Variants in ZFC3H1 observed in about 807,000 individuals in gnomAD.
ZFC3H1 encodes zinc finger C3H1-type containing.
A neutral mutation model predicts 243.7 loss-of-function variants in ZFC3H1; 71 were observed. That is an observed-to-expected ratio of 0.29 (90% CI 0.24 to 0.36). The LOEUF (loss-of-function observed/expected upper bound fraction) is 0.36, where lower values mean the gene tolerates loss of function less well. ZFC3H1 is among the 10% of genes least tolerant of loss of function. The pLI is 1.00. For missense variants in ZFC3H1, 1,966 were observed against 2,317.1 expected (o/e 0.85, Z 3.11); for synonymous variants, 838 against 813.0 (o/e 1.03, Z -0.52).
intron 16 of ZFC3H1, 134 bp downstream of exon 16, chr12:71,631,644 C>G (rs1880325746): frequency 6.8e-6 from 5 of 734,738 alleles, no homozygotes. Context: ...TTTTTATGTT[C>G]CTTAAAAGGG....
Position 71,610,217 on chromosome 12 carries a change from C to T in ZFC3H1, c.*211G>A. The stretch of plus-strand genomic sequence containing the variant: ...ATGAGAATCTGGCAGGGCCTAGAAG[C>T]AGGCCAAACAGGAAGTTCATTTATC... On this transcript the variant is annotated 3_prime_UTR_variant, in exon 35 of 35. Transcript: ENST00000378743. 1 of 493,202 alleles carries T rather than the reference C, an allele frequency of 2.0e-6. No individual in the cohort carries two copies. The highest frequency in any genetic ancestry group is 3.5e-5 in the South Asian group (1 of 28,296). The allele number at this position is 493,202 out of a possible 1,614,324, so 30.6% of individuals were successfully genotyped here. A position where few individuals can be genotyped will look rare whatever the true frequency, so the allele number is the denominator to read the frequency against.
At chr12:71,631,684 A>G in intron 16 of ZFC3H1, 94 bp downstream of exon 16, 1 of 1,124,972 alleles carries the variant, frequency 8.9e-7, no homozygotes, top group South Asian at 1.6e-5. Context: ...CAATGATTCA[A>G]TTGCTTTTTC....
intron 19 of ZFC3H1, 137 bp from the exon 20 acceptor site, chr12:71,629,174 GA>G: frequency 1.7e-6 from 1 of 602,088 alleles, no homozygotes; most frequent in South Asian, 2.3e-5. Flanking sequence ...TTTTTTTTTT[GA>G]GATGGAAGTC....
chr12:71,612,424 T>C (rs1356804797), intron 31 of ZFC3H1, among the ~76,000 whole-genome samples: 4 of 152,112 alleles, frequency 2.6e-5, no homozygotes, highest in East Asian at 1.9e-4. Context: ...CCTATCACAA[T>C]AGAAAATCAT....
chr12:71,626,132 G>A, intron 22 of ZFC3H1, 128 bp downstream of exon 22: 1 of 933,248 alleles, frequency 1.1e-6, no homozygotes, highest in Non-Finnish European at 1.5e-6. Context: ...TGAAAGTAAG[G>A]TTATTATGTC....
Position 71,636,562 on chromosome 12 carries a change from G to A in ZFC3H1, c.2028C>T (p.Asn676=). The A allele has an allele frequency of 6.2e-7, 1 of 1,613,946 alleles. No individual in the cohort carries two copies. Among genetic ancestry groups the A allele is most frequent in the Non-Finnish European group, 8.5e-7 (1 of 1,179,876 alleles). ...TCTGTATCCTAGGCTGAGACACTGTGTTAATACTGACTATTGATAGATTGC... is the reference window on the plus strand; with the variant it reads ...TCTGTATCCTAGGCTGAGACACTGTATTAATACTGACTATTGATAGATTGC... The part of the protein sequence containing the change: ...PRSNLSIVSI[N]TVSQPRIQNP... Residue 676 remains asparagine (N), a synonymous_variant, in exon 9 of 35, where the codon AAC becomes AAT. Transcript: ENST00000378743.
At chr12:71,640,864 GT>G (rs201779649) in intron 6 of ZFC3H1, among the ~76,000 whole-genome samples, 10,431 of 148,918 alleles carry the variant, frequency 0.07, 481 homozygotes, top group South Asian at 0.094. Context: ...AATTCTCTTG[GT>G]TTTTTTTTTC....
At chr12:71,652,519 A>C (rs1378958098) in intron 2 of ZFC3H1, among the ~76,000 whole-genome samples, 1 of 152,098 alleles carries the variant, frequency 6.6e-6, no homozygotes, top group Non-Finnish European at 1.5e-5. Context: ...GTGCCTGTCT[A>C]CTCATTTGAT....
intron 4 of ZFC3H1, 140 bp downstream of exon 4, chr12:71,644,737 G>A: frequency 3.1e-6 from 3 of 977,522 alleles, no homozygotes; most frequent in Non-Finnish European, 2.9e-6. Context: ...AGAATCGCCT[G>A]AACCTGGGAG....
intron 24 of ZFC3H1, among the ~76,000 whole-genome samples, chr12:71,622,389 T>G (rs911925472): frequency 6.6e-6 from 1 of 152,168 alleles, no homozygotes; most frequent in Non-Finnish European, 1.5e-5. Context: ...ATCATGCCAA[T>G]CTATAATAAT....
At chr12:71,612,782 G>A (rs894980171) in intron 31 of ZFC3H1, among the ~76,000 whole-genome samples, 13 of 152,244 alleles carry the variant, frequency 8.5e-5, no homozygotes, top group Non-Finnish European at 1.9e-4. Context: ...TAATTCTTGC[G>A]GATGAAAGTG....
chr12:71,625,666 G>A (rs1880146424), intron 22 of ZFC3H1, among the ~76,000 whole-genome samples: 1 of 152,092 alleles, frequency 6.6e-6, no homozygotes, highest in South Asian at 2.1e-4. Flanking sequence ...CTCCAGCCTG[G>A]GTGACATAGA....
At chr12:71,618,063 G>A (rs186741710) in intron 27 of ZFC3H1, among the ~76,000 whole-genome samples, 4 of 152,022 alleles carry the variant, frequency 2.6e-5, no homozygotes, top group Non-Finnish European at 4.4e-5. Flanking sequence ...TCAGGAGTTC[G>A]AGACCATCCT....
rs905348789 is a variant in ZFC3H1 at position 71,610,301 on chromosome 12, C to G, written c.*127G>C. 6.1e-6 allele frequency: 7 copies of G among 1,149,236 alleles called. No individual in the cohort carries two copies. The highest frequency in any genetic ancestry group is 1.6e-5 in the African/African-American group (1 of 64,086). The allele number at this position is 1,149,236 out of a possible 1,614,324, so 71.2% of individuals were successfully genotyped here. A position where few individuals can be genotyped will look rare whatever the true frequency, so the allele number is the denominator to read the frequency against. Reference sequence around the variant, plus strand: ...TTTGAGGACAGGATATTGTAGGGAACTTGATATGATCAATAACGCTTGTCT... The same window carrying G: ...TTTGAGGACAGGATATTGTAGGGAAGTTGATATGATCAATAACGCTTGTCT... On this transcript the variant is annotated 3_prime_UTR_variant, in exon 35 of 35. Transcript: ENST00000378743.
At position 71,634,812 on chromosome 12, in the gene ZFC3H1, G is replaced by A. The variant is rs774893803; in HGVS notation, c.2252C>T (p.Pro751Leu). 7 of 1,571,704 alleles carry A rather than the reference G, an allele frequency of 4.5e-6. No individual in the cohort carries two copies. In the East Asian group the frequency reaches 6.8e-5, roughly 15 times the overall value. The change falls in exon 11 of 35, where the codon CCG becomes CTG. Residue 751 changes from proline (P) to leucine (L), a missense_variant. Pro to Leu is a moderately conservative substitution (Grantham distance 98). Coordinates refer to ENST00000378743, the MANE Select transcript of ZFC3H1 (RefSeq NM_144982.5). ...TTTTTCAGATTTTGGAGGTACTTTC[G>A]GTTTTGAAGCTTGCTAAAAAAAAAA... ...ARRTAEQASK[P>L]KVPPKSEKEN...
chr12:71,642,221 A>C (rs1268716827), intron 6 of ZFC3H1, among the ~76,000 whole-genome samples: 1 of 152,174 alleles, frequency 6.6e-6, no homozygotes, highest in Non-Finnish European at 1.5e-5. Flanking sequence ...TTTTAATTTA[A>C]AGGCTATCTA....
chr12:71,631,749 T>A, intron 16 of ZFC3H1, 29 bp downstream of exon 16: 2 of 1,531,800 alleles, frequency 1.3e-6, no homozygotes, highest in Non-Finnish European at 1.8e-6. Context: ...AATCCTGAAA[T>A]TCAAGCTTAT....
At chr12:71,633,927 T>A (rs1012232090) in intron 12 of ZFC3H1, among the ~76,000 whole-genome samples, 1 of 152,220 alleles carries the variant, frequency 6.6e-6, no homozygotes, top group African/African-American at 2.4e-5. Context: ...CAAATTGCTA[T>A]GATTATAGGC....
chr12:71,652,689 T>C (rs1217902763), intron 2 of ZFC3H1, among the ~76,000 whole-genome samples: 1 of 152,186 alleles, frequency 6.6e-6, no homozygotes, highest in Non-Finnish European at 1.5e-5. Flanking sequence ...ATGATAGAGA[T>C]TTGTGTCTTT....
Sources: gnomAD v4.1 joint callset for allele counts (sites outside exome capture counted in the v4.1 genomes callset) on GRCh38, gnomAD v4.1.1 for gene constraint, MANE v1.5 for transcripts, NCBI Gene and HGNC (gene_info 2026-07-23, HGNC 2026-07-21) for gene names.